Variants in ITGB4 observed in about 807,000 individuals in gnomAD.
The protein encoded by ITGB4 is integrin subunit beta 4, also known as integrin beta-4.
A neutral mutation model predicts 207.6 loss-of-function variants in ITGB4; 159 were observed. That is an observed-to-expected ratio of 0.77 (90% confidence interval 0.67 to 0.87). The LOEUF (loss-of-function observed/expected upper bound fraction) is 0.87, where lower values mean the gene tolerates loss of function less well. Ranked by LOEUF, ITGB4 falls within the 40% of genes least tolerant of loss-of-function variation. The pLI, the probability that ITGB4 is intolerant of heterozygous loss-of-function variation, is 0.00. For missense variants in ITGB4, 2,278 were observed against 2,546.8 expected (o/e 0.89, Z 2.27); for synonymous variants, 1,020 against 1,062.7 (o/e 0.96, Z 0.78).
rs2061000330 is a variant in ITGB4 at position 75,737,317 on chromosome 17, T to A, written c.1991-5T>A. ...GGGTGCCCTGCTGACTGGCTGTGGG[T>A]ACAGCCGAGGAGGTGGTGGTGCGCT... On this transcript the variant is annotated splice_polypyrimidine_tract_variant and splice_region_variant and intron_variant, in intron 16 of 39. Coordinates refer to ENST00000200181, the MANE Select transcript of ITGB4 (RefSeq NM_000213.5). 1.3e-6 allele frequency: 2 copies of A among 1,587,340 alleles called. No individual in the cohort carries two copies. Among genetic ancestry groups the A allele is most frequent in the Non-Finnish European group, 1.7e-6 (2 of 1,167,752 alleles).
chr17:75,727,617 C>G lies in ITGB4; in HGVS notation c.265-34C>G, dbSNP rs913949040. 6.3e-7 allele frequency: 1 copy of G among 1,585,620 alleles called. No individual in the cohort carries two copies. The highest frequency in any genetic ancestry group is 2.3e-5 in the East Asian group (1 of 43,648). ...GCCCCCATCGGGCCTCCGGAGTGAC[C>G]CTCTAGCCAGCTGTCCCCTTCCACT... is the stretch of plus-strand genomic sequence containing the variant. On this transcript the variant is annotated intron_variant, in intron 4 of 39. Coordinates refer to ENST00000200181, the MANE Select transcript of ITGB4 (RefSeq NM_000213.5). The surrounding 1 kb of genome is among the most constrained non-coding windows in gnomAD (Gnocchi z 6.0).
In ITGB4 at chr17:75,742,366, G is replaced by A; in HGVS notation, c.2659G>A (p.Val887Met). 6.2e-7 allele frequency: 1 copy of A among 1,613,454 alleles called. No homozygotes were observed. Among genetic ancestry groups the A allele is most frequent in the South Asian group, 1.1e-5 (1 of 91,084 alleles). The change falls in exon 24 of 40, where the codon GTG (valine) becomes ATG (methionine). Residue 887 changes from valine to methionine, a missense_variant. By Grantham distance (21) the Val-to-Met change is conservative (BLOSUM62 1). Coordinates refer to ENST00000200181, the MANE Select transcript of ITGB4 (RefSeq NM_000213.5). The surrounding 1 kb of genome is among the most constrained non-coding windows in gnomAD (Gnocchi z 5.9). ...GCAAGACCACACCATTGTGGACACAGTGCTGATGGCGCCCCGCTCGGCCAA... is the reference window on the plus strand; with the variant it reads ...GCAAGACCACACCATTGTGGACACAATGCTGATGGCGCCCCGCTCGGCCAA... ...KKQDHTIVDT[V>M]LMAPRSAKPA...
chr17:75,734,173 G>A (rs1376344760), intron 13 of ITGB4, among the ~76,000 whole-genome samples: 1 of 100,440 alleles, frequency 1.0e-5, no homozygotes, highest in Non-Finnish European at 1.8e-5. Context: ...TTTCACTCTT[G>A]TCGCCCAGGC....
At position 75,748,928 on chromosome 17, in the gene ITGB4, G is replaced by T. The variant is rs562184254; in HGVS notation, c.3199G>T (p.Val1067Phe). Residue 1067 changes from valine (V) to phenylalanine (F), a missense_variant, in exon 27 of 40, where the codon GTT becomes TTT. Val to Phe is a conservative substitution (Grantham distance 50, BLOSUM62 -1). Coordinates refer to ENST00000200181, the MANE Select transcript of ITGB4 (RefSeq NM_000213.5). Reference protein sequence around the residue: ...LQVKLLELQEVDSLLRGRQVR... With the variant: ...LQVKLLELQEFDSLLRGRQVR... ...GGTGAAGCTCCTGGAGCTGCAAGAA[G>T]TTGACTCCCTCCTGCGGGGCCGCCA... 1 of 1,613,244 alleles carries T rather than the reference G, an allele frequency of 6.2e-7. No individual in the cohort carries two copies. The highest frequency in any genetic ancestry group is 8.5e-7 in the Non-Finnish European group (1 of 1,179,968).
At chr17:75,733,402 TAATTAAATTA>T in intron 12 of ITGB4, 78 bp from the exon 13 acceptor site, 1 of 1,068,490 alleles carries the variant, frequency 9.4e-7, no homozygotes, top group African/African-American at 1.6e-5. Context: ...AAAAATAAAA[TAATTAAATTA>T]AATTAAATTA....
chr17:75,753,810 T>C lies in ITGB4; in HGVS notation c.4154T>C (p.Leu1385Pro), dbSNP rs2143452967. The change falls in exon 33 of 40, where the codon CTG (leucine) becomes CCG (proline). Residue 1385 changes from leucine to proline, a missense_variant. Leu to Pro is a moderately conservative substitution (Grantham distance 98). Transcript: ENST00000200181. ...CCCCTGCTGGGGGAGGAGCTGGACC[T>C]GCGGCGCGTCACGTGGCGGCTGCCC... ...FEPLLGEELD[L>P]RRVTWRLPPE... 6.8e-7 allele frequency: 1 copy of C among 1,466,072 alleles called. No individual in the cohort carries two copies. Among genetic ancestry groups the C allele is most frequent in the South Asian group, 1.4e-5 (1 of 71,736 alleles). The allele number at this position is 1,466,072 out of a possible 1,614,324, so 90.8% of individuals were successfully genotyped here.
chr17:75,726,155 C>A (rs192216472), intron 2 of ITGB4, among the ~76,000 whole-genome samples: 1 of 152,346 alleles, frequency 6.6e-6, no homozygotes, highest in East Asian at 1.9e-4. Context: ...CCCCTGGCCT[C>A]TGTAAAATAG....
In ITGB4 at chr17:75,731,399, G is replaced by T. The variant is rs781637526; in HGVS notation, c.1215+31G>T. On this transcript the variant is annotated intron_variant, in intron 10 of 39. Coordinates refer to ENST00000200181, the MANE Select transcript of ITGB4 (RefSeq NM_000213.5). The surrounding 1 kb of genome is among the most constrained non-coding windows in gnomAD (Gnocchi z 6.8). ...CCTCTGTGGGGGCAGCGGGGTGGGGGATAGGCACAGCGCCCCACACCGAGT... is the reference window on the plus strand; with the variant it reads ...CCTCTGTGGGGGCAGCGGGGTGGGGTATAGGCACAGCGCCCCACACCGAGT... The T allele has an allele frequency of 2.5e-6, 4 of 1,591,346 alleles. No homozygotes were observed. The highest frequency in any genetic ancestry group is 3.4e-6 in the Non-Finnish European group (4 of 1,164,376).
chr17:75,747,769 C>T (rs919964131), intron 26 of ITGB4, among the ~76,000 whole-genome samples: 1 of 152,186 alleles, frequency 6.6e-6, no homozygotes, highest in Admixed American at 6.5e-5. Context: ...CCTGCCTTAG[C>T]CTCCCGAGTA....
At position 75,731,270 on chromosome 17, in the gene ITGB4, C is replaced by T. The variant is rs1285833330; in HGVS notation, c.1117C>T (p.Arg373Trp). The T allele has an allele frequency of 9.3e-6, 15 of 1,613,392 alleles. No individual in the cohort carries two copies. Among genetic ancestry groups the T allele is most frequent in the African/African-American group, 2.7e-5 (2 of 74,926 alleles). The change falls in exon 10 of 40, where the codon CGG becomes TGG. Residue 373 changes from arginine (R) to tryptophan (W), a missense_variant. Physicochemically the swap from Arg to Trp is moderately radical, Grantham distance 101. Transcript: ENST00000200181. This position sits in a 1 kb window ranked among gnomAD's most constrained non-coding sequence, Gnocchi z 6.8. ...FNRIRSNLDIRALDSPRGLRT... is the reference protein window; with the variant it reads ...FNRIRSNLDIWALDSPRGLRT... ...GCGGATCCGCTCCAACCTGGACATC[C>T]GGGCCCTAGACAGCCCCCGAGGCCT...
intron 27 of ITGB4, among the ~76,000 whole-genome samples, chr17:75,749,768 A>G (rs2061323802): frequency 6.6e-6 from 1 of 152,198 alleles, no homozygotes; most frequent in South Asian, 2.1e-4. Flanking sequence ...AAAGCCTGCC[A>G]GGAAGATGGG....
At chr17:75,728,706 T>C (rs1418298760) in intron 6 of ITGB4, among the ~76,000 whole-genome samples, 1 of 152,000 alleles carries the variant, frequency 6.6e-6, no homozygotes, top group Non-Finnish European at 1.5e-5. Flanking sequence ...AAAAATTGGC[T>C]GGGCGCGGTG....
chr17:75,728,860 G>A (rs4788906), intron 6 of ITGB4, among the ~76,000 whole-genome samples: 66,782 of 151,650 alleles, frequency 0.44, 17,348 homozygotes, highest in Non-Finnish European at 0.58. Context: ...GGTGGGCACC[G>A]GTAGTCCCAG....
chr17:75,744,409 C>A (rs751399363), intron 26 of ITGB4, among the ~76,000 whole-genome samples: 1 of 151,604 alleles, frequency 6.6e-6, no homozygotes, highest in Non-Finnish European at 1.5e-5. Flanking sequence ...CGTGAGCCAC[C>A]GCGCCCGGCC....
Position 75,740,167 on chromosome 17 carries a change from G to C in ITGB4, c.2446+96G>C, listed in dbSNP as rs1384502286. On this transcript the variant is annotated intron_variant, in intron 20 of 39. Transcript: ENST00000200181. This position sits in a 1 kb window ranked among gnomAD's most constrained non-coding sequence, Gnocchi z 5.9. ...CAGCATGCCTCTTCTCTGGGTGTGGGGTGCAGGCACAGGGCTCAGCCACCT... is the reference window on the plus strand; with the variant it reads ...CAGCATGCCTCTTCTCTGGGTGTGGCGTGCAGGCACAGGGCTCAGCCACCT... 72 of 1,386,896 alleles carry C rather than the reference G, an allele frequency of 5.2e-5. No homozygotes were observed. Among genetic ancestry groups the C allele is most frequent in the Non-Finnish European group, 6.9e-5 (70 of 1,016,610 alleles). The allele number at this position is 1,386,896 out of a possible 1,614,324, so 85.9% of individuals were successfully genotyped here.
At position 75,757,607 on chromosome 17, in the gene ITGB4, T is replaced by C. The variant is rs776240676; in HGVS notation, c.*52T>C. ...TCCCACTAGGCGTCCTCCCGACTCCTCTCCCGGAGCCTCCTCAGCTACTCC... is the reference window on the plus strand; with the variant it reads ...TCCCACTAGGCGTCCTCCCGACTCCCCTCCCGGAGCCTCCTCAGCTACTCC... On this transcript the variant is annotated 3_prime_UTR_variant, in exon 40 of 40. Transcript: ENST00000200181. 2 of 1,608,932 alleles carry C rather than the reference T, an allele frequency of 1.2e-6. No individual in the cohort carries two copies. Among genetic ancestry groups the C allele is most frequent in the African/African-American group, 1.3e-5 (1 of 74,252 alleles).
At position 75,742,276 on chromosome 17, in the gene ITGB4, G is replaced by A; in HGVS notation, c.2634-65G>A. 6.2e-7 allele frequency: 1 copy of A among 1,602,566 alleles called. No individual in the cohort carries two copies. Among genetic ancestry groups the A allele is most frequent in the Non-Finnish European group, 8.5e-7 (1 of 1,171,748 alleles). The stretch of plus-strand genomic sequence containing the variant: ...CCCCTGAAGGGGAGAAGACAGGCAG[G>A]AGGGACAGGGCAGCAGGTGCCAGCC... On this transcript the variant is annotated intron_variant, in intron 23 of 39. Transcript: ENST00000200181. This position sits in a 1 kb window ranked among gnomAD's most constrained non-coding sequence, Gnocchi z 5.9.
At position 75,732,336 on chromosome 17, in the gene ITGB4, A is replaced by G; in HGVS notation, c.1454+97A>G. 5 of 1,206,670 alleles carry G rather than the reference A, an allele frequency of 4.1e-6. No homozygotes were observed. Among genetic ancestry groups the G allele is most frequent in the Non-Finnish European group, 6.1e-6 (5 of 819,040 alleles). 74.7% of individuals were successfully genotyped at this position (1,206,670 alleles called of 1,614,324 possible). On this transcript the variant is annotated intron_variant, in intron 12 of 39. Transcript: ENST00000200181. This position sits in a 1 kb window ranked among gnomAD's most constrained non-coding sequence, Gnocchi z 5.3. ...GCCTGGCCCTGGGTGCACCTTGTAC[A>G]CCTGGCTGGGGGTGGGGCGGCAATC...
At position 75,754,695 on chromosome 17, in the gene ITGB4, C is replaced by A. The variant is rs61735299; in HGVS notation, c.4438C>A (p.Arg1480Ser). The part of the protein sequence containing the change: ...GTHLSPHVPH[R>S]VLSTSSTLTR... ...CCACCTGAGCCCACACGTGCCCCAC[C>A]GCGTGCTAAGCACATCCTCCACCCT... Residue 1480 changes from arginine (R) to serine (S), a missense_variant, in exon 34 of 40, where the codon CGC (arginine) becomes AGC (serine). Physicochemically the swap from Arg to Ser is moderately radical, Grantham distance 110 (BLOSUM62 -1). Transcript: ENST00000200181. 3.1e-6 allele frequency: 5 copies of A among 1,614,032 alleles called. No homozygotes were observed. The highest frequency in any genetic ancestry group is 4.2e-6 in the Non-Finnish European group (5 of 1,180,022).
Sources: allele counts gnomAD v4.1 joint callset (sites outside exome capture counted in the v4.1 genomes callset), GRCh38; gene constraint gnomAD v4.1.1; non-coding constraint Gnocchi (gnomAD v3.1); transcripts MANE v1.5; gene names NCBI Gene and HGNC (gene_info 2026-07-23, HGNC 2026-07-21).